The following EPHB1 variants were observed in gnomAD, a reference collection of about 807,000 sequenced individuals.
The protein encoded by EPHB1 is ephrin type-B receptor 1.
A neutral mutation model predicts 94.4 loss-of-function variants in EPHB1; 30 were observed. The observed-to-expected ratio is 0.32, with a 90% CI of 0.24 to 0.43. The LOEUF is 0.43. Among genes scored for constraint, EPHB1 ranks in the 20% least tolerant of loss-of-function variants. The pLI, the probability that EPHB1 is intolerant of heterozygous loss-of-function variation, is 1.00. For synonymous variants in EPHB1, 522 were observed against 489.1 expected, an observed-to-expected ratio of 1.07 and a Z score of -0.89; for missense variants, 1,055 against 1,308.3, an observed-to-expected ratio of 0.81 and a Z score of 2.99.
At chr3:134,902,046 A>G (rs986240145) in intron 1 of EPHB1, among the ~76,000 whole-genome samples, 1 of 152,220 alleles carries the variant, frequency 6.6e-6, no homozygotes, top group Admixed American at 6.5e-5. Flanking sequence ...GCAGCTATTG[A>G]AAGCTTTTGC....
In EPHB1 at chr3:134,951,493, C is replaced by T. The variant is rs572775706; in HGVS notation, c.246C>T (p.Ala82=). The T allele has an allele frequency of 6.2e-7, 1 of 1,613,378 alleles. No individual in the cohort carries two copies. Among genetic ancestry groups the T allele is most frequent in the Non-Finnish European group, 8.5e-7 (1 of 1,179,620 alleles). The change falls in exon 3 of 16, where the codon GCC becomes GCT. Residue 82 remains alanine (A), a synonymous_variant. Transcript: ENST00000398015. The surrounding 1 kb of genome is among the most constrained non-coding windows in gnomAD (Gnocchi z 4.5). ...LLTTFINRRG[A]HRIYTEMRFT... is the part of the protein sequence containing the mutation. ...CCACCTTCATCAACCGGCGGGGGGC[C>T]CATCGCATCTACACAGAGATGCGCT...
At chr3:134,810,469 G>A (rs2036149140) in intron 1 of EPHB1, among the ~76,000 whole-genome samples, 1 of 152,276 alleles carries the variant, frequency 6.6e-6, no homozygotes, top group East Asian at 1.9e-4. Flanking sequence ...ACGCTATTCA[G>A]GAAAGGACAA....
At chr3:134,893,331 C>G (rs988258952) in intron 1 of EPHB1, among the ~76,000 whole-genome samples, 1 of 152,196 alleles carries the variant, frequency 6.6e-6, no homozygotes, top group Admixed American at 6.5e-5. Context: ...GTCGCTCTGC[C>G]TGGAACACTT....
At chr3:134,953,449 C>T (rs549328203) in intron 3 of EPHB1, among the ~76,000 whole-genome samples, 16 of 152,348 alleles carry the variant, frequency 1.1e-4, no homozygotes, top group Non-Finnish European at 1.3e-4. Flanking sequence ...GATGCATCAA[C>T]GTCAACAGTT....
intron 1 of EPHB1, among the ~76,000 whole-genome samples, chr3:134,874,166 T>C (rs982702474): frequency 6.6e-6 from 1 of 152,234 alleles, no homozygotes; most frequent in Non-Finnish European, 1.5e-5. Flanking sequence ...TTTGGGTTTT[T>C]TGTGGAATAC....
chr3:134,810,128 T>C (rs2108285601), intron 1 of EPHB1, among the ~76,000 whole-genome samples: 1 of 152,302 alleles, frequency 6.6e-6, no homozygotes, highest in South Asian at 2.1e-4. Context: ...TGATCTGAGG[T>C]CCTAGGAGAT....
chr3:135,030,552 G>T (rs976156314), intron 3 of EPHB1, among the ~76,000 whole-genome samples: 11 of 152,312 alleles, frequency 7.2e-5, no homozygotes, highest in Admixed American at 5.9e-4. Context: ...CAGGGGTCAG[G>T]GACCCACTTG....
rs112117059 is a variant in EPHB1, at chr3:135,011,499, G to A, written c.805+59447G>A. On this transcript the variant is annotated intron_variant, in intron 3 of 15. Transcript: ENST00000398015. ...CCTCTCCAGAGTATGAATGAAGCGCGTGTCGTGGGATGCCCAGGAGTGTGC... is the reference window on the plus strand; with the variant it reads ...CCTCTCCAGAGTATGAATGAAGCGCATGTCGTGGGATGCCCAGGAGTGTGC... Among the ~76,000 whole-genome samples the A allele has an allele frequency of 7.3e-3, 1,115 of 152,284 alleles. 17 individuals are homozygous for A. Among genetic ancestry groups the A allele is most frequent in the African/African-American group, 0.025 (1,040 of 41,548 alleles).
intron 15 of EPHB1, among the ~76,000 whole-genome samples, chr3:135,257,277 G>C (rs977929885): frequency 1.3e-5 from 2 of 152,314 alleles, no homozygotes; most frequent in East Asian, 1.9e-4. Flanking sequence ...CGTTCCTTTG[G>C]AGGAGGAGAG....
At chr3:135,055,215 A>G (rs1387447688) in intron 3 of EPHB1, among the ~76,000 whole-genome samples, 2 of 152,222 alleles carry the variant, frequency 1.3e-5, no homozygotes, top group Non-Finnish European at 2.9e-5. Flanking sequence ...AATGTTGGAC[A>G]TTTGGTTTGT....
Position 134,858,207 on chromosome 3 carries a change from C to T in EPHB1, c.58+62518C>T, listed in dbSNP as rs548940132. ...TCATCATCATCATCATCTCTGTTAT[C>T]TCCAGAATGCTCCTGTAGGTTTGGG... On this transcript the variant is annotated intron_variant, in intron 1 of 15. Coordinates refer to ENST00000398015, the MANE Select transcript of EPHB1 (RefSeq NM_004441.5). Among the ~76,000 whole-genome samples, 6 of 152,008 alleles carry T rather than the reference C, an allele frequency of 3.9e-5. No individual in the cohort carries two copies. In the East Asian group the frequency reaches 7.7e-4, roughly 20 times the overall value.
intron 3 of EPHB1, among the ~76,000 whole-genome samples, chr3:135,099,328 G>C (rs966479877): frequency 1.2e-5 from 1 of 84,572 alleles, no homozygotes; most frequent in African/African-American, 3.8e-5. Context: ...TGGACGGATG[G>C]ATGGACGGAT....
At chr3:135,163,583 C>T (rs1941571088) in intron 7 of EPHB1, among the ~76,000 whole-genome samples, 1 of 152,178 alleles carries the variant, frequency 6.6e-6, no homozygotes, top group Admixed American at 6.5e-5. Context: ...CCACTTTGCA[C>T]CTCACTTACT....
chr3:134,797,554 C>T (rs2035853793), intron 1 of EPHB1, among the ~76,000 whole-genome samples: 1 of 152,158 alleles, frequency 6.6e-6, no homozygotes, highest in South Asian at 2.1e-4. Context: ...GCATTGGGTT[C>T]CTGTGCATGC....
chr3:134,952,060 T>G lies in EPHB1; in HGVS notation c.805+8T>G. On this transcript the variant is annotated splice_region_variant and intron_variant, in intron 3 of 15. Coordinates refer to ENST00000398015, the MANE Select transcript of EPHB1 (RefSeq NM_004441.5). ...ACAGCGTGGCATGCAAGGGTAAGCT[T>G]TGGAGCCTCTGCTTCCTGCCCATCT... 1 of 1,584,038 alleles carries G rather than the reference T, an allele frequency of 6.3e-7. No homozygotes were observed. The highest frequency in any genetic ancestry group is 1.7e-5 in the Admixed American group (1 of 57,772).
intron 9 of EPHB1, among the ~76,000 whole-genome samples, chr3:135,173,672 C>G (rs1941885410): frequency 6.6e-6 from 1 of 152,206 alleles, no homozygotes; most frequent in Admixed American, 6.5e-5. Flanking sequence ...TGGTTTACTC[C>G]AAGAAACTGC....
At chr3:135,073,677 T>G (rs1356739317) in intron 3 of EPHB1, among the ~76,000 whole-genome samples, 1 of 152,218 alleles carries the variant, frequency 6.6e-6, no homozygotes, top group African/African-American at 2.4e-5. Context: ...CTCTTTTTTT[T>G]TAAGTTTATT....
intron 12 of EPHB1, among the ~76,000 whole-genome samples, chr3:135,214,128 G>A (rs1229106361): frequency 1.3e-5 from 2 of 152,034 alleles, no homozygotes; most frequent in Admixed American, 6.6e-5. Context: ...CTCTTCTCAT[G>A]TCAGCTGATG....
chr3:135,219,838 G>A (rs371273853), intron 12 of EPHB1, among the ~76,000 whole-genome samples: 17 of 152,252 alleles, frequency 1.1e-4, no homozygotes, highest in African/African-American at 3.9e-4. Context: ...TAAGGAAGGC[G>A]GGGATCTTGT....
Sources: allele counts gnomAD v4.1 joint callset (sites outside exome capture counted in the v4.1 genomes callset), GRCh38; gene constraint gnomAD v4.1.1; non-coding constraint Gnocchi (gnomAD v3.1); transcripts MANE v1.5; gene names NCBI Gene and HGNC (gene_info 2026-07-23, HGNC 2026-07-21).